PINX1: variants seen among roughly 807,000 people sequenced by gnomAD.
PINX1 encodes PIN2/TERF1-interacting telomerase inhibitor 1.
PINX1 carries 34 observed loss-of-function variants against 25.4 expected under a neutral mutation model. That is an observed-to-expected ratio of 1.34 (90% CI 1.02 to 1.78). PINX1 has a LOEUF of 1.78. PINX1 is among the 40% of genes most tolerant of loss of function. The probability of loss-of-function intolerance (pLI) is 0.00; values close to 1 mark genes in which losing one functional copy is unlikely to be tolerated. For missense variants in PINX1, 592 were observed against 404.9 expected (o/e 1.46, Z -3.97); for synonymous variants, 197 against 147.7 (o/e 1.33, Z -2.42).
chr8:10,796,492 A>C (rs540527852), intron 6 of PINX1, among the ~76,000 whole-genome samples: 9 of 152,136 alleles, frequency 5.9e-5, no homozygotes, highest in Admixed American at 5.2e-4. Context: ...AGAACTCTCT[A>C]TGAGAGGAGG....
In PINX1 at chr8:10,839,813, G is replaced by C. The variant is rs540498176; in HGVS notation, c.-57C>G. 6.4e-7 allele frequency: 1 copy of C among 1,552,196 alleles called. No homozygotes were observed. Among genetic ancestry groups the C allele is most frequent in the Non-Finnish European group, 8.8e-7 (1 of 1,138,936 alleles). ...ACCTGGGTGACTGCGGCCACTGGGC[G>C]GGCTGGAGACTCCAGGAGAATCAGG... On this transcript the variant is annotated 5_prime_UTR_variant, in exon 1 of 7. Coordinates refer to ENST00000314787, the MANE Select transcript of PINX1 (RefSeq NM_017884.6).
intron 5 of PINX1, among the ~76,000 whole-genome samples, chr8:10,822,800 C>T (rs989127227): frequency 8.5e-5 from 13 of 152,100 alleles, no homozygotes; most frequent in African/African-American, 3.1e-4. Context: ...TATGGAAAAG[C>T]AGAGTTGAGC....
At chr8:10,795,299 C>A (rs1468309560) in intron 6 of PINX1, among the ~76,000 whole-genome samples, 1 of 152,200 alleles carries the variant, frequency 6.6e-6, no homozygotes, top group African/African-American at 2.4e-5. Context: ...TGCTCCCAGG[C>A]TGTCTTTCTT....
chr8:10,837,536 G>C (rs1798438299), intron 1 of PINX1, among the ~76,000 whole-genome samples: 1 of 152,202 alleles, frequency 6.6e-6, no homozygotes, highest in Admixed American at 6.5e-5. Context: ...CCCTTGACAC[G>C]ATCTGGAACA....
At position 10,775,422 on chromosome 8, in the gene PINX1, T is replaced by G. The variant is rs1047984858; in HGVS notation, c.472-9506A>C. On this transcript the variant is annotated intron_variant, in intron 6 of 6. Coordinates refer to ENST00000314787, the MANE Select transcript of PINX1 (RefSeq NM_017884.6). ...TGTCTGTTTTGTGGTTTTTTTTTTT[T>G]TTTTTTTTTTTTTTTTTTGCCTTTA... 1.7e-3 allele frequency among the ~76,000 whole-genome samples: 242 copies of G among 145,844 alleles called. 2 individuals are homozygous for G. Among genetic ancestry groups the G allele is most frequent in the Middle Eastern group, 0.011 (3 of 284 alleles).
intron 6 of PINX1, among the ~76,000 whole-genome samples, chr8:10,816,297 G>C (rs1158234599): frequency 6.6e-6 from 1 of 152,168 alleles, no homozygotes; most frequent in Non-Finnish European, 1.5e-5. Flanking sequence ...AGGGTACACA[G>C]AACCCCTTTA....
intron 1 of PINX1, among the ~76,000 whole-genome samples, chr8:10,838,344 T>A (rs1265221984): frequency 6.6e-6 from 1 of 152,242 alleles, no homozygotes; most frequent in Non-Finnish European, 1.5e-5. Flanking sequence ...CAATTTGGAA[T>A]AACGTTGGGA....
intron 6 of PINX1, among the ~76,000 whole-genome samples, chr8:10,783,235 A>T (rs1254259768): frequency 6.6e-6 from 1 of 152,238 alleles, no homozygotes. Context: ...GTATAATGGC[A>T]CTGGAGTTAT....
chr8:10,775,426 T>TGA (rs1563203296), intron 6 of PINX1, among the ~76,000 whole-genome samples: 1 of 148,380 alleles, frequency 6.7e-6, no homozygotes, highest in Non-Finnish European at 1.5e-5. Context: ...TTTTTTTTTT[T>TGA]TTTTTTTTTT....
intron 4 of PINX1, among the ~76,000 whole-genome samples, chr8:10,827,234 T>G (rs531674633): frequency 6.6e-6 from 1 of 152,282 alleles, no homozygotes; most frequent in South Asian, 2.1e-4. Context: ...AATGATCACC[T>G]AAATACAGAT....
intron 6 of PINX1, among the ~76,000 whole-genome samples, chr8:10,788,520 G>A (rs1027494064): frequency 3.3e-5 from 5 of 152,012 alleles, no homozygotes; most frequent in Admixed American, 6.5e-5. Flanking sequence ...AGCCAAGATC[G>A]TGCCACTGCA....
At chr8:10,782,893 G>A (rs776758083) in intron 6 of PINX1, among the ~76,000 whole-genome samples, 1 of 152,206 alleles carries the variant, frequency 6.6e-6, no homozygotes. Context: ...GAGAATGCTA[G>A]AGCACCTCCT....
chr8:10,767,261 C>T (rs758396846), intron 6 of PINX1, among the ~76,000 whole-genome samples: 3 of 152,154 alleles, frequency 2.0e-5, no homozygotes, highest in Non-Finnish European at 4.4e-5. Context: ...TGTATTGTCT[C>T]GACACAGTGG....
chr8:10,777,319 C>T (rs1801425386), intron 6 of PINX1, among the ~76,000 whole-genome samples: 1 of 152,232 alleles, frequency 6.6e-6, no homozygotes, highest in Admixed American at 6.5e-5. Context: ...CTTTCTGGCT[C>T]CTCTAGAAAG....
At chr8:10,800,371 T>C (rs1465660148) in intron 6 of PINX1, among the ~76,000 whole-genome samples, 1 of 152,326 alleles carries the variant, frequency 6.6e-6, no homozygotes, top group East Asian at 1.9e-4. Flanking sequence ...GCGATTCTTT[T>C]ACTGAAAGAG....
chr8:10,839,719 C>A lies in PINX1; in HGVS notation c.19+19G>T, dbSNP rs1181380870. The stretch of plus-strand genomic sequence containing the variant: ...CTTCACCAACGCGCCTGGGTCGGGC[C>A]TCCGCTTCCGACACTCACGTTCAGC... On this transcript the variant is annotated intron_variant, in intron 1 of 6. Transcript: ENST00000314787. 1.2e-6 allele frequency: 2 copies of A among 1,600,694 alleles called. No homozygotes were observed. The highest frequency in any genetic ancestry group is 1.3e-5 in the African/African-American group (1 of 74,760).
intron 1 of PINX1, among the ~76,000 whole-genome samples, chr8:10,838,116 C>G (rs1039049415): frequency 6.6e-6 from 1 of 152,202 alleles, no homozygotes; most frequent in Non-Finnish European, 1.5e-5. Flanking sequence ...TGCCTGACCA[C>G]ATAGCAGGTT....
intron 6 of PINX1, among the ~76,000 whole-genome samples, chr8:10,793,157 G>A (rs1178032504): frequency 6.6e-6 from 1 of 152,186 alleles, no homozygotes; most frequent in Non-Finnish European, 1.5e-5. Context: ...GCTTCAAGAA[G>A]TGTAAGCTTG....
chr8:10,766,115 T>C (rs375265982), intron 6 of PINX1, among the ~76,000 whole-genome samples, 199 bp from the exon 7 acceptor site: 30 of 152,106 alleles, frequency 2.0e-4, no homozygotes, highest in African/African-American at 6.8e-4. Context: ...CGGCCTGAAC[T>C]GCAGGCCGGG....
Sources: gnomAD v4.1 joint callset for allele counts (sites outside exome capture counted in the v4.1 genomes callset) on GRCh38, gnomAD v4.1.1 for gene constraint, MANE v1.5 for transcripts, NCBI Gene and HGNC (gene_info 2026-07-23, HGNC 2026-07-21) for gene names.